CD40: variants seen among roughly 807,000 people sequenced by gnomAD.
CD40 encodes CD40 molecule, also known as tumor necrosis factor receptor superfamily member 5.
In CD40, 19 loss-of-function variants were observed where a neutral mutation model predicts 38.5. The observed-to-expected ratio is 0.49, with a 90% CI of 0.34 to 0.72. CD40 has a LOEUF of 0.72. Among genes scored for constraint, CD40 ranks in the 30% least tolerant of loss-of-function variants. CD40 has a pLI of 0.01. For missense variants in CD40, 256 were observed against 344.1 expected (o/e 0.74, Z 2.03); for synonymous variants, 130 against 128.7 (o/e 1.01, Z -0.07).
chr20:46,128,589 C>T (rs1420596659), intron 8 of CD40: 1 of 709,118 alleles, frequency 1.4e-6, no homozygotes, highest in Non-Finnish European at 2.5e-6. Flanking sequence ...CTGTTCTTCA[C>T]TCCTTTCCTG....
chr20:46,128,704 C>G (rs576606431), intron 8 of CD40, 178 bp from the exon 9 acceptor site: 5 of 693,942 alleles, frequency 7.2e-6, no homozygotes, highest in Admixed American at 4.8e-5. Context: ...ACTCTGGAAG[C>G]TCTTCGTCGC....
chr20:46,122,244 G>T lies in CD40; in HGVS notation c.142G>T (p.Val48Leu). 1.2e-6 allele frequency: 2 copies of T among 1,614,186 alleles called. No homozygotes were observed. Among genetic ancestry groups the T allele is most frequent in the Non-Finnish European group, 1.7e-6 (2 of 1,180,034 alleles). ...CSLCQPGQKL[V>L]SDCTEFTETE... ...CTGATGTTTTCCAGGACAGAAACTG[G>T]TGAGTGACTGCACAGAGTTCACTGA... The change falls in exon 3 of 9, where the codon GTG (valine) becomes TTG (leucine). Residue 48 changes from valine (V) to leucine (L), a missense_variant. Coordinates refer to ENST00000372285, the MANE Select transcript of CD40 (RefSeq NM_001250.6). The surrounding 1 kb of genome is among the most constrained non-coding windows in gnomAD (Gnocchi z 5.0).
At position 46,122,920 on chromosome 20, in the gene CD40, A is replaced by T; in HGVS notation, c.403+164A>T. Reference sequence around the variant, plus strand: ...GTGAGCTGCAGACGGGACCTTGTTCATTCTGCCTTCTGCCATGGGGATCTG... The same window carrying T: ...GTGAGCTGCAGACGGGACCTTGTTCTTTCTGCCTTCTGCCATGGGGATCTG... On this transcript the variant is annotated intron_variant, in intron 4 of 8. Coordinates refer to ENST00000372285, the MANE Select transcript of CD40 (RefSeq NM_001250.6). The surrounding 1 kb of genome is among the most constrained non-coding windows in gnomAD (Gnocchi z 5.0). The T allele has an allele frequency of 4.1e-6, 4 of 981,244 alleles. No homozygotes were observed. The highest frequency in any genetic ancestry group is 6.2e-6 in the Non-Finnish European group (4 of 650,314). 60.8% of individuals were successfully genotyped at this position (981,244 alleles called of 1,614,324 possible).
chr20:46,121,174 C>T (rs1338566992), intron 1 of CD40, among the ~76,000 whole-genome samples: 2 of 152,224 alleles, frequency 1.3e-5, no homozygotes, highest in African/African-American at 4.8e-5. Context: ...GAGAGAGGAG[C>T]ATTGAGACCT....
intron 6 of CD40, 112 bp from the exon 7 acceptor site, chr20:46,128,026 A>G: frequency 1.9e-6 from 3 of 1,598,298 alleles, no homozygotes. Context: ...GAACCTTCTG[A>G]TGTAGATGAG....
intron 5 of CD40, among the ~76,000 whole-genome samples, chr20:46,123,555 G>A (rs1406210645): frequency 6.6e-6 from 1 of 152,042 alleles, no homozygotes; most frequent in East Asian, 1.9e-4. Context: ...GGCTTTCTAG[G>A]GCTTTCTGGG....
Position 46,122,786 on chromosome 20 carries a change from G to C in CD40, c.403+30G>C. 1 of 1,613,134 alleles carries C rather than the reference G, an allele frequency of 6.2e-7. No homozygotes were observed. The highest frequency in any genetic ancestry group is 8.5e-7 in the Non-Finnish European group (1 of 1,179,230). On this transcript the variant is annotated intron_variant, in intron 4 of 8. Coordinates refer to ENST00000372285, the MANE Select transcript of CD40 (RefSeq NM_001250.6). This position sits in a 1 kb window ranked among gnomAD's most constrained non-coding sequence, Gnocchi z 5.0. ...GTGGCTCATCTGGGAATCAGTTTTG[G>C]AGGGGGACAGAGGAGCTTAGGGCCC...
intron 1 of CD40, among the ~76,000 whole-genome samples, chr20:46,119,337 G>A (rs1366956494): frequency 2.6e-5 from 4 of 152,220 alleles, no homozygotes; most frequent in East Asian, 1.9e-4. Flanking sequence ...AATGACCCAT[G>A]GTATCAAGGA....
At position 46,129,140 on chromosome 20, in the gene CD40, C is replaced by G. The variant is rs778653844; in HGVS notation, c.*100C>G. 1 of 1,362,282 alleles carries G rather than the reference C, an allele frequency of 7.3e-7. No homozygotes were observed. Among genetic ancestry groups the G allele is most frequent in the Non-Finnish European group, 1.0e-6 (1 of 961,440 alleles). The allele number at this position is 1,362,282 out of a possible 1,614,324, so 84.4% of individuals were successfully genotyped here. On this transcript the variant is annotated 3_prime_UTR_variant, in exon 9 of 9. Coordinates refer to ENST00000372285, the MANE Select transcript of CD40 (RefSeq NM_001250.6). Reference sequence around the variant, plus strand: ...GTGGCGTGAGGGTGAGGGGCTGGCACTGACTGGGCATAGCTCCCCGCTTCT... The same window carrying G: ...GTGGCGTGAGGGTGAGGGGCTGGCAGTGACTGGGCATAGCTCCCCGCTTCT...
chr20:46,129,008 G>C lies in CD40; in HGVS notation c.802G>C (p.Glu268Gln), dbSNP rs2069983448. 4 of 1,614,074 alleles carry C rather than the reference G, an allele frequency of 2.5e-6. No individual in the cohort carries two copies. The highest frequency in any genetic ancestry group is 1.7e-5 in the Admixed American group (1 of 60,012). Reference sequence around the variant, plus strand: ...ACCGGTCACCCAGGAGGATGGCAAAGAGAGTCGCATCTCAGTGCAGGAGAG... The same window carrying C: ...ACCGGTCACCCAGGAGGATGGCAAACAGAGTCGCATCTCAGTGCAGGAGAG... Reference protein sequence around the residue: ...CQPVTQEDGKESRISVQERQ With the variant: ...CQPVTQEDGKQSRISVQERQ Residue 268 changes from glutamate (E) to glutamine (Q), a missense_variant, in exon 9 of 9, where the codon GAG (glutamate) becomes CAG (glutamine). Transcript: ENST00000372285.
intron 8 of CD40, 41 bp from the exon 9 acceptor site, chr20:46,128,841 G>T (rs777987719): frequency 6.2e-7 from 1 of 1,609,398 alleles, no homozygotes; most frequent in South Asian, 1.1e-5. Context: ...AGGCACAGCT[G>T]CCCCTGCTGC....
At chr20:46,118,417 A>G (rs2085253177) in intron 1 of CD40, 23 bp downstream of exon 1, 3 of 1,602,296 alleles carry the variant, frequency 1.9e-6, no homozygotes, top group Non-Finnish European at 1.7e-6. Flanking sequence ...TGCCCCGACC[A>G]GACGGGAGTT....
chr20:46,124,751 GTTTTTTTTTTTTTTT>G (rs780015926), intron 5 of CD40, among the ~76,000 whole-genome samples: 5 of 73,938 alleles, frequency 6.8e-5, no homozygotes, highest in South Asian at 5.7e-4. Flanking sequence ...CACTGGTATA[GTTTTTTTTTTTTTTT>G]TTTTTTTTTT....
At chr20:46,124,751 G>GTT (rs780015926) in intron 5 of CD40, among the ~76,000 whole-genome samples, 1,503 of 73,814 alleles carry the variant, frequency 0.02, 283 homozygotes, top group Non-Finnish European at 0.024. Context: ...CACTGGTATA[G>GTT]TTTTTTTTTT....
At chr20:46,124,416 C>G (rs1364605406) in intron 5 of CD40, among the ~76,000 whole-genome samples, 3 of 152,152 alleles carry the variant, frequency 2.0e-5, no homozygotes, top group African/African-American at 7.2e-5. Flanking sequence ...CCCATCCCTG[C>G]CCCTTAGGCT....
intron 5 of CD40, among the ~76,000 whole-genome samples, chr20:46,124,844 G>A (rs1190948559): frequency 7.5e-6 from 1 of 132,920 alleles, no homozygotes; most frequent in Admixed American, 9.2e-5. Context: ...TCGGCTCACT[G>A]CAAGCTCTGC....
At position 46,125,100 on chromosome 20, in the gene CD40, T is replaced by A. The variant is rs73310748; in HGVS notation, c.498-1540T>A. Among the ~76,000 whole-genome samples, 986 of 151,992 alleles carry A rather than the reference T, an allele frequency of 6.5e-3. 15 individuals carry two copies. The highest frequency in any genetic ancestry group is 0.022 in the African/African-American group (916 of 41,466). On this transcript the variant is annotated intron_variant, in intron 5 of 8. Coordinates refer to ENST00000372285, the MANE Select transcript of CD40 (RefSeq NM_001250.6). Reference sequence around the variant, plus strand: ...TATAGTATTAATGGAATCAGTGCATTGGCTTACGTATCTGATTACAGCTCA... The same window carrying A: ...TATAGTATTAATGGAATCAGTGCATAGGCTTACGTATCTGATTACAGCTCA...
chr20:46,123,471 G>A (rs1458603866), intron 5 of CD40, among the ~76,000 whole-genome samples: 1 of 152,178 alleles, frequency 6.6e-6, no homozygotes, highest in African/African-American at 2.4e-5. Context: ...GGGGGTATTG[G>A]GACACTTATT....
intron 1 of CD40, among the ~76,000 whole-genome samples, chr20:46,119,717 A>G (rs1417466981): frequency 6.6e-6 from 1 of 152,076 alleles, no homozygotes; most frequent in Admixed American, 6.5e-5. Context: ...CATTATACAG[A>G]TGGGCAAATT....
Sources: allele counts gnomAD v4.1 joint callset (sites outside exome capture counted in the v4.1 genomes callset), GRCh38; gene constraint gnomAD v4.1.1; non-coding constraint Gnocchi (gnomAD v3.1); transcripts MANE v1.5; gene names NCBI Gene and HGNC (gene_info 2026-07-23, HGNC 2026-07-21).